The following LRIG1 variants were observed in gnomAD, a reference collection of about 807,000 sequenced individuals.
LRIG1 encodes leucine rich repeats and immunoglobulin like domains 1, also known as leucine-rich repeats and immunoglobulin-like domains protein 1.
In LRIG1, 48 loss-of-function variants were observed where a neutral mutation model predicts 99.2. The ratio of observed to expected loss-of-function variants is 0.48; its 90% CI spans 0.38 to 0.62. The LOEUF (loss-of-function observed/expected upper bound fraction) is 0.62. Ranked by LOEUF, LRIG1 falls within the 20% of genes least tolerant of loss-of-function variation. LRIG1 has a pLI of 0.00. For synonymous variants in LRIG1, 772 were observed against 596.1 expected (o/e 1.29, Z -4.30); for missense variants, 1,646 against 1,434.4 (o/e 1.15, Z -2.38).
intron 1 of LRIG1, among the ~76,000 whole-genome samples, chr3:66,473,655 T>C (rs1700652364): frequency 6.6e-6 from 1 of 152,212 alleles, no homozygotes; most frequent in Non-Finnish European, 1.5e-5. Flanking sequence ...AGATCCCTGG[T>C]ATTAAATCAG....
intron 3 of LRIG1, among the ~76,000 whole-genome samples, chr3:66,426,797 C>T (rs1702997699): frequency 6.6e-6 from 1 of 152,160 alleles, no homozygotes; most frequent in African/African-American, 2.4e-5. Context: ...GCCAATTAGT[C>T]TGAAACATAC....
At chr3:66,407,282 A>G in intron 8 of LRIG1, 66 bp downstream of exon 8, 2 of 1,553,546 alleles carry the variant, frequency 1.3e-6, no homozygotes, top group Admixed American at 1.7e-5. Context: ...AACAAAGCAG[A>G]TGGTTTGCTC....
intron 3 of LRIG1, among the ~76,000 whole-genome samples, chr3:66,448,898 G>A (rs1485122250): frequency 6.6e-6 from 1 of 152,136 alleles, no homozygotes; most frequent in Admixed American, 6.5e-5. Flanking sequence ...ACAGCCTCTG[G>A]GCCACAACTG....
intron 4 of LRIG1, 128 bp from the exon 5 acceptor site, chr3:66,415,191 T>A: frequency 1.1e-6 from 1 of 905,342 alleles, no homozygotes; most frequent in Non-Finnish European, 1.6e-6. Flanking sequence ...AGGTTTCCAG[T>A]GAGATGTTTA....
intron 4 of LRIG1, 52 bp downstream of exon 4, chr3:66,417,077 A>G (rs1440503945): frequency 6.3e-7 from 1 of 1,598,514 alleles, no homozygotes; most frequent in Non-Finnish European, 8.6e-7. Flanking sequence ...TGAAGCTGTT[A>G]GCTGGCTGGA....
intron 3 of LRIG1, among the ~76,000 whole-genome samples, chr3:66,439,540 A>C (rs1004985666): frequency 1.3e-5 from 2 of 151,826 alleles, no homozygotes; most frequent in East Asian, 1.9e-4. Context: ...GAGATCCTTC[A>C]GTTTCTATAT....
intron 6 of LRIG1, 41 bp downstream of exon 6, chr3:66,412,830 C>T (rs12493943): frequency 6.2e-7 from 1 of 1,609,010 alleles, no homozygotes; most frequent in Admixed American, 1.7e-5. Context: ...CCACACCGCA[C>T]AGCAATCCTT....
At position 66,451,535 on chromosome 3, in the gene LRIG1, A is replaced by G. The variant is rs931237826; in HGVS notation, c.365+24T>C. On this transcript the variant is annotated intron_variant, in intron 3 of 18. Coordinates refer to ENST00000273261, the MANE Select transcript of LRIG1 (RefSeq NM_015541.3). ...ACCATGGCCCCACCACACAGCCCAG[A>G]GTCCCCCAAACGGCACCACTTACAG... 1.9e-6 allele frequency: 3 copies of G among 1,612,104 alleles called. No homozygotes were observed. In the East Asian group the frequency reaches 6.7e-5, roughly 36 times the overall value.
intron 9 of LRIG1, chr3:66,404,127 G>C: frequency 1.6e-6 from 1 of 607,860 alleles, no homozygotes; most frequent in Non-Finnish European, 2.7e-6. Context: ...TCTTCAGACA[G>C]CCAACAGAGC....
At chr3:66,469,581 A>G (rs1700551118) in intron 1 of LRIG1, among the ~76,000 whole-genome samples, 1 of 152,184 alleles carries the variant, frequency 6.6e-6, no homozygotes, top group Non-Finnish European at 1.5e-5. Flanking sequence ...TCTCGGCCTT[A>G]CTAGTTCACA....
intron 3 of LRIG1, among the ~76,000 whole-genome samples, chr3:66,424,378 CA>C (rs146649723): frequency 7.9e-5 from 12 of 152,264 alleles, no homozygotes; most frequent in African/African-American, 2.4e-4. Context: ...TTAGAGTAAA[CA>C]GCTGGCATTC....
chr3:66,382,391 G>A lies in LRIG1; in HGVS notation c.2499C>T (p.Thr833=), dbSNP rs773702538. 76 of 1,614,082 alleles carry A rather than the reference G, an allele frequency of 4.7e-5. No homozygotes were observed. Among genetic ancestry groups the A allele is most frequent in the Middle Eastern group, 1.6e-4 (1 of 6,084 alleles). The change falls in exon 16 of 19, where the codon ACC becomes ACT. Residue 833 remains threonine, a synonymous_variant. Transcript: ENST00000273261. ...EEYSVTNTDE[T]VVPPDVPSYL... is the part of the protein sequence containing the mutation. ...AGCTTGGAACATCTGGTGGCACGACGGTTTCATCTGCAAGGAGACAGAACA... is the reference window on the plus strand; with the variant it reads ...AGCTTGGAACATCTGGTGGCACGACAGTTTCATCTGCAAGGAGACAGAACA...
At chr3:66,410,829 G>A (rs1334827938) in intron 6 of LRIG1, among the ~76,000 whole-genome samples, 2 of 152,218 alleles carry the variant, frequency 1.3e-5, no homozygotes, top group East Asian at 3.8e-4. Context: ...GCTGAGAGAA[G>A]CCAGGTAACC....
intron 6 of LRIG1, among the ~76,000 whole-genome samples, chr3:66,410,633 T>C (rs1313949720): frequency 1.3e-5 from 2 of 151,860 alleles, no homozygotes; most frequent in Non-Finnish European, 2.9e-5. Context: ...AGCTCGGGAG[T>C]TCGAGACCAG....
At chr3:66,459,579 AC>A (rs754409563) in intron 2 of LRIG1, among the ~76,000 whole-genome samples, 1 of 152,164 alleles carries the variant, frequency 6.6e-6, no homozygotes, top group South Asian at 2.1e-4. Context: ...AATTCTTCAT[AC>A]AAAAAATACT....
At chr3:66,402,990 T>C (rs1203238285) in intron 9 of LRIG1, among the ~76,000 whole-genome samples, 3 of 152,178 alleles carry the variant, frequency 2.0e-5, no homozygotes, top group Non-Finnish European at 4.4e-5. Context: ...ACAGCAGTTT[T>C]TACATAGCCC....
chr3:66,491,691 T>C (rs1170583269), intron 1 of LRIG1, among the ~76,000 whole-genome samples: 2 of 152,072 alleles, frequency 1.3e-5, no homozygotes, highest in African/African-American at 4.8e-5. Context: ...AAAAAACCTA[T>C]ACATTTGCAG....
intron 2 of LRIG1, among the ~76,000 whole-genome samples, chr3:66,456,824 C>G (rs1270045910): frequency 6.6e-6 from 1 of 152,164 alleles, no homozygotes; most frequent in Non-Finnish European, 1.5e-5. Context: ...ACACCCACAG[C>G]AGGCACTCGC....
rs145520137 is a variant in LRIG1, at chr3:66,454,740, C to T, written c.291-3107G>A. Among the ~76,000 whole-genome samples the T allele has an allele frequency of 3.1e-3, 474 of 152,322 alleles. 2 individuals carry two copies. Among genetic ancestry groups the T allele is most frequent in the African/African-American group, 0.01 (423 of 41,568 alleles). ...CCAGGGCAGAACCTAGGGGTGGGTC[C>T]TTTCCCAATTCAATCCGTAAGGTCA... On this transcript the variant is annotated intron_variant, in intron 2 of 18. Coordinates refer to ENST00000273261, the MANE Select transcript of LRIG1 (RefSeq NM_015541.3).
Sources: allele counts gnomAD v4.1 joint callset (sites outside exome capture counted in the v4.1 genomes callset), GRCh38; gene constraint gnomAD v4.1.1; transcripts MANE v1.5; gene names NCBI Gene and HGNC (gene_info 2026-07-23, HGNC 2026-07-21).